The following PDE4D variants were observed in gnomAD, a reference collection of about 807,000 sequenced individuals.
The protein encoded by PDE4D is phosphodiesterase 4D, also known as 3',5'-cyclic-AMP phosphodiesterase 4D.
A neutral mutation model predicts 87.4 loss-of-function variants in PDE4D; 24 were observed. The observed-to-expected ratio is 0.27, with a 90% CI of 0.20 to 0.39. PDE4D has a LOEUF of 0.39. PDE4D is among the 10% of genes least tolerant of loss of function. The pLI is 1.00. For synonymous variants in PDE4D, 384 were observed against 383.2 expected (o/e 1.00, Z -0.02); for missense variants, 714 against 1,041.0 (o/e 0.69, Z 4.32).
intron 5 of PDE4D, among the ~76,000 whole-genome samples, chr5:59,177,034 C>T (rs1413419597): frequency 6.6e-6 from 1 of 152,172 alleles, no homozygotes; most frequent in Non-Finnish European, 1.5e-5. Context: ...GTGTCTTTGT[C>T]CTATTCTTTC....
At chr5:59,068,422 G>A (rs1352601607) in intron 5 of PDE4D, among the ~76,000 whole-genome samples, 1 of 152,114 alleles carries the variant, frequency 6.6e-6, no homozygotes, top group South Asian at 2.1e-4. Context: ...ACTCAAAAAT[G>A]TATATTGAGC....
intron 4 of PDE4D, among the ~76,000 whole-genome samples, chr5:59,182,746 C>T (rs906315746): frequency 2.0e-5 from 3 of 152,136 alleles, no homozygotes; most frequent in Non-Finnish European, 2.9e-5. Flanking sequence ...AATATTAATA[C>T]TTTGATCCAT....
intron 1 of PDE4D, among the ~76,000 whole-genome samples, chr5:59,668,806 A>G (rs1300035891): frequency 2.5e-4 from 18 of 71,212 alleles, no homozygotes; most frequent in African/African-American, 1.2e-3. Context: ...AGAAGAAGAA[A>G]GAAGAAGAAG....
rs1409497193 is a variant in PDE4D, at chr5:59,630,421, T to C, written c.455+262747A>G. Among the ~76,000 whole-genome samples, 3 of 152,206 alleles carry C rather than the reference T, an allele frequency of 2.0e-5. No homozygotes were observed. The East Asian group carries it at 5.8e-4, about 29-fold the overall frequency. ...CTTATAATGAATACAAGCATGTTTA[T>C]AGACCCTCACCTTCATCAAAGAGGC... is the stretch of plus-strand genomic sequence containing the variant. On this transcript the variant is annotated intron_variant, in intron 1 of 14. Transcript: ENST00000340635.
At chr5:59,657,466 T>C (rs758907931) in intron 1 of PDE4D, among the ~76,000 whole-genome samples, 14 of 152,158 alleles carry the variant, frequency 9.2e-5, no homozygotes, top group Non-Finnish European at 1.9e-4. Context: ...TGAATCTAAA[T>C]CACTGAACAG....
At chr5:60,362,249 G>A (rs1312279150) in intron 1 of PDE4D, among the ~76,000 whole-genome samples, 1 of 152,170 alleles carries the variant, frequency 6.6e-6, no homozygotes, top group African/African-American at 2.4e-5. Flanking sequence ...ATGGACTGGT[G>A]TTGATGAAAT....
At chr5:59,349,826 G>A (rs183957724) in intron 1 of PDE4D, among the ~76,000 whole-genome samples, 2 of 151,978 alleles carry the variant, frequency 1.3e-5, no homozygotes, top group African/African-American at 4.8e-5. Flanking sequence ...TAGCCTGCAG[G>A]CCACCTTATA....
intron 1 of PDE4D, among the ~76,000 whole-genome samples, chr5:59,803,505 G>A (rs968424646): frequency 2.0e-5 from 3 of 151,988 alleles, no homozygotes; most frequent in Non-Finnish European, 2.9e-5. Flanking sequence ...CACCATGGTG[G>A]CCAGGCTGGT....
chr5:60,380,487 C>A (rs1024660593), intron 1 of PDE4D, among the ~76,000 whole-genome samples: 1 of 152,174 alleles, frequency 6.6e-6, no homozygotes, highest in East Asian at 1.9e-4. Context: ...TTCTATAATA[C>A]GCTCTTTTCT....
intron 1 of PDE4D, among the ~76,000 whole-genome samples, chr5:59,319,389 A>C (rs1774321452): frequency 6.6e-6 from 1 of 152,092 alleles, no homozygotes; most frequent in Non-Finnish European, 1.5e-5. Flanking sequence ...TGCATGAAAA[A>C]CTAATCTCTG....
At chr5:60,340,601 A>G (rs1758224025) in intron 1 of PDE4D, among the ~76,000 whole-genome samples, 2 of 65,952 alleles carry the variant, frequency 3.0e-5, no homozygotes, top group African/African-American at 1.5e-4. Flanking sequence ...AAGCAGTCAC[A>G]TCATTTAAAA....
intron 5 of PDE4D, among the ~76,000 whole-genome samples, chr5:59,160,862 C>T (rs902258141): frequency 2.0e-5 from 3 of 152,104 alleles, no homozygotes; most frequent in Non-Finnish European, 4.4e-5. Context: ...CTTTGGGAGG[C>T]CGAGATGGGT....
At chr5:59,402,940 T>G (rs1365670687) in intron 1 of PDE4D, among the ~76,000 whole-genome samples, 1 of 152,162 alleles carries the variant, frequency 6.6e-6, no homozygotes, top group Non-Finnish European at 1.5e-5. Flanking sequence ...TATTGTATCA[T>G]CCCTGCAAAG....
intron 1 of PDE4D, among the ~76,000 whole-genome samples, chr5:60,297,959 C>G (rs937006361): frequency 6.6e-6 from 1 of 152,138 alleles, no homozygotes; most frequent in Non-Finnish European, 1.5e-5. Flanking sequence ...TCAGCTGTGG[C>G]GTAGAATTTT....
At chr5:59,180,387 T>C (rs887259840) in intron 5 of PDE4D, 8 of 707,012 alleles carry the variant, frequency 1.1e-5, no homozygotes, top group Non-Finnish European at 2.1e-5. Context: ...ATAATGTACA[T>C]CAGTAAAAAA....
chr5:59,690,750 A>G (rs1383223413), intron 1 of PDE4D, among the ~76,000 whole-genome samples: 1 of 152,236 alleles, frequency 6.6e-6, no homozygotes, highest in Non-Finnish European at 1.5e-5. Flanking sequence ...GCTTCTGCAC[A>G]GCAGAAGAAA....
chr5:59,313,098 C>A (rs1355368604), intron 1 of PDE4D, among the ~76,000 whole-genome samples: 1 of 152,134 alleles, frequency 6.6e-6, no homozygotes, highest in African/African-American at 2.4e-5. Context: ...GGCCAGCTTC[C>A]AAATCAGACA....
At chr5:60,017,652 T>C (rs1206114936) in intron 2 of PDE4D, among the ~76,000 whole-genome samples, 1 of 152,210 alleles carries the variant, frequency 6.6e-6, no homozygotes, top group Non-Finnish European at 1.5e-5. Flanking sequence ...CTGCATAGTG[T>C]TCCATGGTGT....
intron 1 of PDE4D, among the ~76,000 whole-genome samples, chr5:60,467,115 C>A (rs1388279493): frequency 6.6e-6 from 1 of 152,020 alleles, no homozygotes; most frequent in Non-Finnish European, 1.5e-5. Context: ...TCTCTGCTCA[C>A]TGCAACCTCC....
Sources: gnomAD v4.1 joint callset for allele counts (sites outside exome capture counted in the v4.1 genomes callset) on GRCh38, gnomAD v4.1.1 for gene constraint, MANE v1.5 for transcripts, NCBI Gene and HGNC (gene_info 2026-07-23, HGNC 2026-07-21) for gene names.